Variants in HS2ST1 observed in about 807,000 individuals in gnomAD.
HS2ST1 encodes 2-O-sulfotransferase.
In HS2ST1, 18 loss-of-function variants were observed where a neutral mutation model predicts 42.9. The ratio of observed to expected loss-of-function variants is 0.42; its 90% CI spans 0.29 to 0.62. The LOEUF (loss-of-function observed/expected upper bound fraction) is 0.62, where lower values mean the gene tolerates loss of function less well. Ranked by LOEUF, HS2ST1 falls within the 20% of genes least tolerant of loss-of-function variation. The pLI, the probability that HS2ST1 is intolerant of heterozygous loss-of-function variation, is 0.21. For synonymous variants in HS2ST1, 146 were observed against 152.9 expected (o/e 0.95, Z 0.33); for missense variants, 334 against 433.8 (o/e 0.77, Z 2.04).
At chr1:87,028,943 G>A (rs11585015) in intron 1 of HS2ST1, among the ~76,000 whole-genome samples, 16,894 of 152,160 alleles carry the variant, frequency 0.11, 1,013 homozygotes, top group African/African-American at 0.14. Flanking sequence ...AACAAAGTTT[G>A]CCCTAGTGTT....
At chr1:86,942,659 G>T (rs1660787765) in intron 1 of HS2ST1, among the ~76,000 whole-genome samples, 1 of 152,124 alleles carries the variant, frequency 6.6e-6, no homozygotes, top group African/African-American at 2.4e-5. Context: ...AATGAAAAAG[G>T]TATTGGGGTA....
chr1:87,098,785 A>AT (rs774485066), intron 5 of HS2ST1, among the ~76,000 whole-genome samples: 23 of 152,002 alleles, frequency 1.5e-4, no homozygotes, highest in Non-Finnish European at 3.1e-4. Context: ...CACCTGTTTT[A>AT]TTTTTTATTT....
At chr1:87,068,369 G>A (rs537485623) in intron 1 of HS2ST1, among the ~76,000 whole-genome samples, 3 of 151,846 alleles carry the variant, frequency 2.0e-5, no homozygotes, top group African/African-American at 7.2e-5. Flanking sequence ...CTCTATTATT[G>A]GTGTATAGGA....
intron 1 of HS2ST1, among the ~76,000 whole-genome samples, chr1:86,965,728 G>T (rs1260326499): frequency 6.6e-6 from 1 of 151,824 alleles, no homozygotes; most frequent in Non-Finnish European, 1.5e-5. Flanking sequence ...AATCCTGAAG[G>T]GCTTGTGCTA....
intron 1 of HS2ST1, among the ~76,000 whole-genome samples, chr1:86,978,223 A>G (rs1431995244): frequency 6.6e-6 from 1 of 152,246 alleles, no homozygotes; most frequent in East Asian, 1.9e-4. Flanking sequence ...TTTTCAGAAC[A>G]TCTATCTGTC....
At chr1:87,030,342 G>A (rs746006578) in intron 1 of HS2ST1, among the ~76,000 whole-genome samples, 64 of 152,088 alleles carry the variant, frequency 4.2e-4, no homozygotes, top group Admixed American at 7.2e-4. Context: ...TACAAAAAGT[G>A]TAAAAATTAG....
At chr1:86,980,905 A>G (rs1648559584) in intron 1 of HS2ST1, among the ~76,000 whole-genome samples, 2 of 152,354 alleles carry the variant, frequency 1.3e-5, no homozygotes, top group East Asian at 1.9e-4. Flanking sequence ...AGTGTGTAAT[A>G]TATGAGTATA....
chr1:86,929,224 A>C (rs1660489356), intron 1 of HS2ST1, among the ~76,000 whole-genome samples: 1 of 151,854 alleles, frequency 6.6e-6, no homozygotes, highest in South Asian at 2.1e-4. Flanking sequence ...ATATCTAACT[A>C]CTTTCTCTTT....
intron 2 of HS2ST1, among the ~76,000 whole-genome samples, chr1:87,075,721 T>A (rs1033454234): frequency 2.6e-5 from 4 of 152,188 alleles, no homozygotes; most frequent in Non-Finnish European, 5.9e-5. Flanking sequence ...TTGTACATAC[T>A]ATATTAGGTA....
intron 1 of HS2ST1, among the ~76,000 whole-genome samples, chr1:86,965,107 TTA>T (rs1648005707): frequency 6.6e-6 from 1 of 152,082 alleles, no homozygotes; most frequent in Non-Finnish European, 1.5e-5. Flanking sequence ...AAAAAGGATT[TTA>T]TGCATCTTTC....
intron 3 of HS2ST1, among the ~76,000 whole-genome samples, chr1:87,090,283 C>T (rs1651908259): frequency 6.6e-6 from 1 of 151,940 alleles, no homozygotes. Flanking sequence ...AAGCCATGAA[C>T]AAGAGAGAAA....
intron 1 of HS2ST1, among the ~76,000 whole-genome samples, chr1:86,929,509 C>G (rs2102162771): frequency 6.6e-6 from 1 of 151,846 alleles, no homozygotes; most frequent in East Asian, 1.9e-4. Context: ...AAAGCTATGG[C>G]TTTTTGATGT....
At chr1:86,959,744 CATAA>C (rs1167731452) in intron 1 of HS2ST1, among the ~76,000 whole-genome samples, 4 of 178 alleles carry the variant, frequency 0.022, no homozygotes, top group African/African-American at 0.048. Context: ...AATCTTGCAA[CATAA>C]GTACAGTACA....
intron 1 of HS2ST1, among the ~76,000 whole-genome samples, chr1:87,037,937 CATATTTTCTT>C (rs951964437): frequency 6.6e-6 from 1 of 151,916 alleles, no homozygotes; most frequent in African/African-American, 2.4e-5. Flanking sequence ...CATTTTTCTT[CATATTTTCTT>C]ATACATTCAA....
chr1:87,048,694 T>A (rs554556808), intron 1 of HS2ST1, among the ~76,000 whole-genome samples: 1 of 151,914 alleles, frequency 6.6e-6, no homozygotes, highest in Admixed American at 6.6e-5. Context: ...CTGAGATTTT[T>A]ATCATGAATT....
At chr1:86,988,516 T>C (rs1648854974) in intron 1 of HS2ST1, among the ~76,000 whole-genome samples, 1 of 152,218 alleles carries the variant, frequency 6.6e-6, no homozygotes, top group South Asian at 2.1e-4. Flanking sequence ...GTATTAACTC[T>C]CATTTTGACT....
At chr1:87,057,480 A>T (rs1182252403) in intron 1 of HS2ST1, among the ~76,000 whole-genome samples, 1 of 151,446 alleles carries the variant, frequency 6.6e-6, no homozygotes, top group African/African-American at 2.4e-5. Context: ...TAGGGCCTAT[A>T]TGCACTCTAC....
chr1:86,931,799 A>T (rs1303288179), intron 1 of HS2ST1, among the ~76,000 whole-genome samples: 1 of 152,114 alleles, frequency 6.6e-6, no homozygotes, highest in Non-Finnish European at 1.5e-5. Flanking sequence ...TTAGAAAAAA[A>T]TGCTTAATAC....
At chr1:86,962,782 G>T (rs1173024804) in intron 1 of HS2ST1, among the ~76,000 whole-genome samples, 1 of 152,100 alleles carries the variant, frequency 6.6e-6, no homozygotes, top group Non-Finnish European at 1.5e-5. Flanking sequence ...GTAAATATAG[G>T]TTATAGGTAG....
Sources: gnomAD v4.1 joint callset for allele counts (sites outside exome capture counted in the v4.1 genomes callset) on GRCh38, gnomAD v4.1.1 for gene constraint, MANE v1.5 for transcripts, NCBI Gene and HGNC (gene_info 2026-07-23, HGNC 2026-07-21) for gene names.